PSD: variants seen among roughly 807,000 people sequenced by gnomAD.
The protein encoded by PSD is PH and SEC7 domain-containing protein 1.
A neutral mutation model predicts 91.6 loss-of-function variants in PSD; 32 were observed. The ratio of observed to expected loss-of-function variants is 0.35; its 90% confidence interval spans 0.26 to 0.47. PSD has a LOEUF of 0.47. Among genes scored for constraint, PSD ranks in the 20% least tolerant of loss-of-function variants. PSD has a pLI of 1.00. For synonymous variants in PSD, 532 were observed against 569.3 expected (o/e 0.93, Z 0.93); for missense variants, 1,099 against 1,373.9 (o/e 0.80, Z 3.16).
rs754386449 is a variant in PSD, at chr10:102,410,891, A to G, written c.2058T>C (p.Asn686=). The G allele has an allele frequency of 6.2e-7, 1 of 1,613,422 alleles. No homozygotes were observed. The highest frequency in any genetic ancestry group is 8.5e-7 in the Non-Finnish European group (1 of 1,179,770). The change falls in exon 10 of 17, where the codon AAT becomes AAC. Residue 686 remains asparagine (N), a synonymous_variant. Coordinates refer to ENST00000020673, the MANE Select transcript of PSD (RefSeq NM_002779.5). The surrounding 1 kb of genome is among the most constrained non-coding windows in gnomAD (Gnocchi z 6.0). ...GDFIGNLEGL[N]DGGDFPRELL... ...GCTCCCTAGGGAAGTCGCCGCCATCATTGAGGCCCTCCAGGTTCCCGATGA... is the reference window on the plus strand; with the variant it reads ...GCTCCCTAGGGAAGTCGCCGCCATCGTTGAGGCCCTCCAGGTTCCCGATGA...
Position 102,410,999 on chromosome 10 carries a change from G to A in PSD, c.2002-52C>T. ...GTTTGGAGGGCCCTTGGCCTCCCAG[G>A]TCCTGCATGTCTGGCCAGGGGTTTG... On this transcript the variant is annotated intron_variant, in intron 9 of 16. Coordinates refer to ENST00000020673, the MANE Select transcript of PSD (RefSeq NM_002779.5). The surrounding 1 kb of genome is among the most constrained non-coding windows in gnomAD (Gnocchi z 6.0). The A allele has an allele frequency of 6.2e-7, 1 of 1,612,946 alleles. No homozygotes were observed. Among genetic ancestry groups the A allele is most frequent in the Non-Finnish European group, 8.5e-7 (1 of 1,178,946 alleles).
At position 102,405,117 on chromosome 10, in the gene PSD, C is replaced by T. The variant is rs1345091036; in HGVS notation, c.2398-62G>A. 2.5e-6 allele frequency: 4 copies of T among 1,610,204 alleles called. No individual in the cohort carries two copies. The highest frequency in any genetic ancestry group is 3.4e-6 in the Non-Finnish European group (4 of 1,178,550). Reference sequence around the variant, plus strand: ...AGCCTGGCCCAGCCCCTCCTATTCCCACCCATCACCCCACACCCACCAGCC... The same window carrying T: ...AGCCTGGCCCAGCCCCTCCTATTCCTACCCATCACCCCACACCCACCAGCC... On this transcript the variant is annotated intron_variant, in intron 13 of 16. Coordinates refer to ENST00000020673, the MANE Select transcript of PSD (RefSeq NM_002779.5). This position sits in a 1 kb window ranked among gnomAD's most constrained non-coding sequence, Gnocchi z 5.4.
chr10:102,411,866 G>T, intron 7 of PSD, 47 bp from the exon 8 acceptor site: 1 of 1,415,262 alleles, frequency 7.1e-7, no homozygotes, highest in Non-Finnish European at 9.9e-7. Flanking sequence ...GGAGTTTCCA[G>T]CCTCTGTCTC....
intron 10 of PSD, 107 bp from the exon 11 acceptor site, chr10:102,407,373 G>C: frequency 1.4e-6 from 1 of 708,312 alleles, no homozygotes; most frequent in Non-Finnish European, 2.1e-6. Flanking sequence ...TAAGGGGAAA[G>C]GGCAGCAAGA....
At position 102,417,052 on chromosome 10, in the gene PSD, G is replaced by T; in HGVS notation, c.-14C>A. The T allele has an allele frequency of 1.3e-6, 2 of 1,524,630 alleles. No homozygotes were observed. Among genetic ancestry groups the T allele is most frequent in the Non-Finnish European group, 1.8e-6 (2 of 1,138,630 alleles). The allele number at this position is 1,524,630 out of a possible 1,614,324, so 94.4% of individuals were successfully genotyped here. A position where few individuals can be genotyped will look rare whatever the true frequency, so the allele number is the denominator to read the frequency against. The stretch of plus-strand genomic sequence containing the variant: ...ACCCTGGGCCATGCTGGGGCCGGGG[G>T]TCAGGCTGGGGGGGCAGGGATGGCG... On this transcript the variant is annotated 5_prime_UTR_variant, in exon 2 of 17. Coordinates refer to ENST00000020673, the MANE Select transcript of PSD (RefSeq NM_002779.5).
chr10:102,405,324 C>A lies in PSD; in HGVS notation c.2326+22G>T. 1 of 1,608,148 alleles carries A rather than the reference C, an allele frequency of 6.2e-7. No individual in the cohort carries two copies. The highest frequency in any genetic ancestry group is 8.5e-7 in the Non-Finnish European group (1 of 1,178,224). ...TCCCATCCATCCCCTAGACGCCCGC[C>A]CCCCGCAACTCGGCCACATACTCTT... is the stretch of plus-strand genomic sequence containing the variant. On this transcript the variant is annotated intron_variant, in intron 12 of 16. Transcript: ENST00000020673. This position sits in a 1 kb window ranked among gnomAD's most constrained non-coding sequence, Gnocchi z 5.4.
At chr10:102,418,965 G>C, upstream of PSD, 1 of 343,992 alleles carries the variant, frequency 2.9e-6, no homozygotes, top group Non-Finnish European at 5.8e-6. Context: ...CCCAGACAAG[G>C]AGGAGGGCGC....
rs2061407382 is a variant in PSD at position 102,409,947 on chromosome 10, A to C, written c.2091+911T>G. Among the ~76,000 whole-genome samples, 1 of 152,086 alleles carries C rather than the reference A, an allele frequency of 6.6e-6. No homozygotes were observed. The highest frequency in any genetic ancestry group is 2.4e-5 in the African/African-American group (1 of 41,402). On this transcript the variant is annotated intron_variant, in intron 10 of 16. Transcript: ENST00000020673. The surrounding 1 kb of genome is among the most constrained non-coding windows in gnomAD (Gnocchi z 5.7). The stretch of plus-strand genomic sequence containing the variant: ...TAAGCCCTAAAGCACAAACACACCA[A>C]GCCATACAAACCCTTGATTCACGAC...
rs760781942 is a variant in PSD, at chr10:102,411,045, C to T, written c.2001+13G>A. 5 of 1,612,756 alleles carry T rather than the reference C, an allele frequency of 3.1e-6. No individual in the cohort carries two copies. The highest frequency in any genetic ancestry group is 2.2e-5 in the East Asian group (1 of 44,856). On this transcript the variant is annotated intron_variant, in intron 9 of 16. Transcript: ENST00000020673. ...GTTTGTTTTCCGGCTCCTGCCCGCC[C>T]GCCTCCACTCACATGGCCGTGGAGA...
intron 3 of PSD, 22 bp downstream of exon 3, chr10:102,415,995 C>G (rs1192541610): frequency 6.3e-7 from 1 of 1,593,010 alleles, no homozygotes; most frequent in Non-Finnish European, 8.6e-7. Context: ...CCTGTTCTCC[C>G]TGCCTCAGTC....
In PSD at chr10:102,410,720, ACGAGAG is replaced by A. The variant is rs2061416652; in HGVS notation, c.2091+132_2091+137del. 3 of 720,110 alleles carry A rather than the reference ACGAGAG, an allele frequency of 4.2e-6. No homozygotes were observed. Among genetic ancestry groups the A allele is most frequent in the Non-Finnish European group, 7.4e-6 (3 of 407,214 alleles). The allele number at this position is 720,110 out of a possible 1,614,324, so 44.6% of individuals were successfully genotyped here. On this transcript the variant is annotated intron_variant, in intron 10 of 16. Coordinates refer to ENST00000020673, the MANE Select transcript of PSD (RefSeq NM_002779.5). The surrounding 1 kb of genome is among the most constrained non-coding windows in gnomAD (Gnocchi z 6.0). Reference sequence around the variant, plus strand: ...GAGGGGGCGGTCCCCAGGCTGAGTCACGAGAGCCCGGGCTTCCGTGGCAGGAGCCGG... The same window carrying A: ...GAGGGGGCGGTCCCCAGGCTGAGTCACCCGGGCTTCCGTGGCAGGAGCCGG...
At position 102,402,828 on chromosome 10, in the gene PSD, C is replaced by T; in HGVS notation, c.*372G>A. The T allele has an allele frequency of 4.0e-6, 1 of 253,034 alleles. No individual in the cohort carries two copies. The highest frequency in any genetic ancestry group is 7.5e-6 in the Non-Finnish European group (1 of 132,624). 15.7% of individuals were successfully genotyped at this position (253,034 alleles called of 1,614,324 possible). On this transcript the variant is annotated 3_prime_UTR_variant, in exon 17 of 17. Transcript: ENST00000020673. ...CCCCAAATCCTGGTCTCTGTCCAAG[C>T]CAGGCCCCAGGACAGAGGGGGACTG...
In PSD at chr10:102,410,808, G is replaced by T; in HGVS notation, c.2091+50C>A. 7.1e-7 allele frequency: 1 copy of T among 1,411,980 alleles called. No homozygotes were observed. Among genetic ancestry groups the T allele is most frequent in the Non-Finnish European group, 1.0e-6 (1 of 997,690 alleles). 87.5% of individuals were successfully genotyped at this position (1,411,980 alleles called of 1,614,324 possible). Reference sequence around the variant, plus strand: ...CGACTCTGGACTCCGTCGCCGACTGGGTCCTCCATCCTTCCCCTCCAGCGA... The same window carrying T: ...CGACTCTGGACTCCGTCGCCGACTGTGTCCTCCATCCTTCCCCTCCAGCGA... On this transcript the variant is annotated intron_variant, in intron 10 of 16. Transcript: ENST00000020673. The surrounding 1 kb of genome is among the most constrained non-coding windows in gnomAD (Gnocchi z 6.0).
rs938307126 is a variant in PSD at position 102,414,375 on chromosome 10, G to A, written c.1125-178C>T. 5.3e-5 allele frequency among the ~76,000 whole-genome samples: 8 copies of A among 152,070 alleles called. No individual in the cohort carries two copies. The highest frequency in any genetic ancestry group is 1.4e-4 in the African/African-American group (6 of 41,402). The stretch of plus-strand genomic sequence containing the variant: ...CGCCAAGCTATTCAGTGCCCCCTGG[G>A]GCACACCAGCCCTACCAGTCCCCAG... On this transcript the variant is annotated intron_variant, in intron 4 of 16. Transcript: ENST00000020673. The surrounding 1 kb of genome is among the most constrained non-coding windows in gnomAD (Gnocchi z 5.6).
Position 102,403,703 on chromosome 10 carries a change from G to C in PSD, c.2844+139C>G, listed in dbSNP as rs768834567. ...CCAGTGGATGTCAAATGTTATCCTT[G>C]TTGCACAGAGGAGGAAACTGAGGCT... On this transcript the variant is annotated intron_variant, in intron 16 of 16. Coordinates refer to ENST00000020673, the MANE Select transcript of PSD (RefSeq NM_002779.5). This position sits in a 1 kb window ranked among gnomAD's most constrained non-coding sequence, Gnocchi z 6.7. 100 of 1,157,134 alleles carry C rather than the reference G, an allele frequency of 8.6e-5. No individual in the cohort carries two copies. The highest frequency in any genetic ancestry group is 1.2e-4 in the Non-Finnish European group (98 of 839,152). 71.7% of individuals were successfully genotyped at this position (1,157,134 alleles called of 1,614,324 possible).
At chr10:102,417,795 G>A (rs2061500253) in intron 1 of PSD, among the ~76,000 whole-genome samples, 2 of 147,676 alleles carry the variant, frequency 1.4e-5, no homozygotes, top group South Asian at 2.1e-4. Context: ...TGCAACCTCC[G>A]CCTCCCAAGT....
Position 102,417,068 on chromosome 10 carries a change from A to C in PSD, c.-30T>G. ...GGGCCGGGGGTCAGGCTGGGGGGGC[A>C]GGGATGGCGAGGCCAGGCGGGGAGT... is the stretch of plus-strand genomic sequence containing the variant. On this transcript the variant is annotated 5_prime_UTR_variant, in exon 2 of 17. Transcript: ENST00000020673. 1 of 1,280,030 alleles carries C rather than the reference A, an allele frequency of 7.8e-7. No individual in the cohort carries two copies. Among genetic ancestry groups the C allele is most frequent in the Non-Finnish European group, 1.1e-6 (1 of 940,004 alleles). The allele number at this position is 1,280,030 out of a possible 1,614,324, so 79.3% of individuals were successfully genotyped here.
chr10:102,412,058 G>T (rs2061430698), intron 7 of PSD, 89 bp downstream of exon 7: 2 of 1,357,280 alleles, frequency 1.5e-6, no homozygotes, highest in Non-Finnish European at 1.1e-6. Context: ...GACGGCTTGT[G>T]GGGGACAGAG....
At position 102,404,888 on chromosome 10, in the gene PSD, G is replaced by A. The variant is rs747975215; in HGVS notation, c.2555+10C>T. On this transcript the variant is annotated intron_variant, in intron 14 of 16. Coordinates refer to ENST00000020673, the MANE Select transcript of PSD (RefSeq NM_002779.5). This position sits in a 1 kb window ranked among gnomAD's most constrained non-coding sequence, Gnocchi z 5.7. ...AAGGGGTCCGGGATGGGCAGGAGGAGGGCACTCACGGGGCCTGGAAGAGGA... is the reference window on the plus strand; with the variant it reads ...AAGGGGTCCGGGATGGGCAGGAGGAAGGCACTCACGGGGCCTGGAAGAGGA... 3 of 1,611,614 alleles carry A rather than the reference G, an allele frequency of 1.9e-6. No individual in the cohort carries two copies. Among genetic ancestry groups the A allele is most frequent in the Non-Finnish European group, 8.5e-7 (1 of 1,178,936 alleles).
Sources: allele counts gnomAD v4.1 joint callset (sites outside exome capture counted in the v4.1 genomes callset), GRCh38; gene constraint gnomAD v4.1.1; non-coding constraint Gnocchi (gnomAD v3.1); transcripts MANE v1.5; gene names NCBI Gene and HGNC (gene_info 2026-07-23, HGNC 2026-07-21).